The following SPATA31H1 variants were observed in gnomAD, a reference collection of about 807,000 sequenced individuals.
SPATA31H1 encodes the protein SPATA31 subfamily H member 1.
chr2:27,571,806 T>C, the SPATA31H1 span: 13 of 398,362 alleles, frequency 3.3e-5, no homozygotes, highest in Middle Eastern at 1.2e-3. Context: ...ACCTGTAAAG[T>C]TGACCCCATG....
At chr2:27,541,551 G>A in the SPATA31H1 span, among the ~76,000 whole-genome samples, 1 of 151,910 alleles carries the variant, frequency 6.6e-6, no homozygotes, top group Non-Finnish European at 1.5e-5. Context: ...TGAAATGAAC[G>A]AACGACTTCT....
the SPATA31H1 span, chr2:27,575,085 C>A: frequency 2.5e-6 from 1 of 398,434 alleles, no homozygotes; most frequent in African/African-American, 2.1e-5. The surrounding 1 kb of genome is among the most constrained non-coding windows in gnomAD (Gnocchi z 4.1). Context: ...GATACACCTT[C>A]AGGGTGTGAA....
At chr2:27,579,751 T>C in the SPATA31H1 span, 1 of 1,614,158 alleles carries the variant, frequency 6.2e-7, no homozygotes, top group East Asian at 2.2e-5. Context: ...CAGACAAGGA[T>C]TTCTGAGTCC....
chr2:27,572,261 G>A, the SPATA31H1 span: 4 of 398,428 alleles, frequency 1.0e-5, no homozygotes, highest in African/African-American at 2.1e-5. Context: ...CCTTGGGCTC[G>A]ACTGTAGAGC....
the SPATA31H1 span, chr2:27,577,601 C>T: frequency 2.5e-6 from 4 of 1,614,110 alleles, no homozygotes; most frequent in Non-Finnish European, 3.4e-6. The surrounding 1 kb of genome is among the most constrained non-coding windows in gnomAD (Gnocchi z 4.5). Flanking sequence ...TACATCACGT[C>T]CCAGATTCTG....
chr2:27,542,133 A>T, the SPATA31H1 span, among the ~76,000 whole-genome samples: 2 of 152,076 alleles, frequency 1.3e-5, no homozygotes, highest in African/African-American at 4.8e-5. Context: ...GCGGTGGCTC[A>T]TGCCTGTAAT....
At chr2:27,571,230 G>A in the SPATA31H1 span, 86 of 398,474 alleles carry the variant, frequency 2.2e-4, 1 homozygote, top group Admixed American at 9.2e-4. Flanking sequence ...AAAACTTGAG[G>A]AGGTAACCCC....
the SPATA31H1 span, among the ~76,000 whole-genome samples, chr2:27,550,241 G>C: frequency 6.8e-6 from 1 of 148,098 alleles, no homozygotes; most frequent in African/African-American, 2.5e-5. Context: ...TTTTAATGTA[G>C]AGGATAGTTT....
the SPATA31H1 span, chr2:27,571,041 C>G: frequency 5.5e-5 from 22 of 398,394 alleles, no homozygotes; most frequent in South Asian, 1.3e-4. Context: ...AGTCTTGAAA[C>G]TTAAAGGTTT....
chr2:27,578,166 C>T, the SPATA31H1 span: 200 of 1,614,096 alleles, frequency 1.2e-4, 1 homozygote, highest in South Asian at 1.8e-3. Context: ...GATACCAAGG[C>T]CAACCCCTCA....
the SPATA31H1 span, chr2:27,578,412 G>A: frequency 1.2e-5 from 19 of 1,613,998 alleles, no homozygotes; most frequent in Middle Eastern, 3.3e-4. Context: ...AATTCCTCAG[G>A]TTGTAGAACC....
At chr2:27,578,224 C>T in the SPATA31H1 span, 1 of 1,614,162 alleles carries the variant, frequency 6.2e-7, no homozygotes, top group Non-Finnish European at 8.5e-7. Flanking sequence ...TATGTGAGAC[C>T]TTCAGAGCAC....
chr2:27,578,469 G>C, the SPATA31H1 span: 2 of 1,614,050 alleles, frequency 1.2e-6, no homozygotes, highest in Non-Finnish European at 1.7e-6. Context: ...AAATTGTGTG[G>C]ATTTACTTCC....
At chr2:27,574,717 TGACATCTTCTGAGTTAACACCAGA>T in the SPATA31H1 span, 2 of 398,488 alleles carry the variant, frequency 5.0e-6, no homozygotes, top group Non-Finnish European at 8.9e-6. Context: ...TTACAAGGTG[TGACATCTTCTGAGTTAACACCAGA>T]GACAAAGCTT....
chr2:27,575,180 C>T, the SPATA31H1 span: 1 of 398,528 alleles, frequency 2.5e-6, no homozygotes, highest in Non-Finnish European at 4.4e-6. The surrounding 1 kb of genome is among the most constrained non-coding windows in gnomAD (Gnocchi z 4.1). Context: ...CTACAGAAGG[C>T]AACCATGACC....
At chr2:27,543,609 T>G in the SPATA31H1 span, among the ~76,000 whole-genome samples, 4 of 151,520 alleles carry the variant, frequency 2.6e-5, no homozygotes, top group South Asian at 2.1e-4. Context: ...GTATAAGAAC[T>G]CCACAGTTTC....
the SPATA31H1 span, chr2:27,573,759 T>C: frequency 4.0e-5 from 16 of 398,390 alleles, no homozygotes; most frequent in African/African-American, 3.3e-4. Flanking sequence ...AGATGTGAAG[T>C]CTCCAGCGTT....
At chr2:27,558,790 A>G in the SPATA31H1 span, among the ~76,000 whole-genome samples, 2 of 107,532 alleles carry the variant, frequency 1.9e-5, no homozygotes, top group Admixed American at 1.0e-4. Flanking sequence ...AATCGCAGGC[A>G]CTCGGCAGGC....
the SPATA31H1 span, among the ~76,000 whole-genome samples, chr2:27,560,113 A>T: frequency 6.6e-6 from 1 of 150,832 alleles, no homozygotes; most frequent in African/African-American, 2.4e-5. Context: ...TCATCCGCCC[A>T]CCTCAGCCTC....
Sources: gnomAD v4.1 joint callset for allele counts (sites outside exome capture counted in the v4.1 genomes callset) on GRCh38, gnomAD v4.1.1 for gene constraint, Gnocchi (gnomAD v3.1) non-coding constraint, MANE v1.5 for transcripts, NCBI Gene and HGNC (gene_info 2026-07-23, HGNC 2026-07-21) for gene names.